The following CLIP3 variants were observed in gnomAD, a reference collection of about 807,000 sequenced individuals.
CLIP3 encodes CAP-Gly domain containing linker protein 3.
A neutral mutation model predicts 59.4 loss-of-function variants in CLIP3; 15 were observed. The observed-to-expected ratio is 0.25, with a 90% CI of 0.17 to 0.39. The LOEUF (loss-of-function observed/expected upper bound fraction) is 0.39. Among genes scored for constraint, CLIP3 ranks in the 10% least tolerant of loss-of-function variants. CLIP3 has a pLI of 1.00. For missense variants in CLIP3, 495 were observed against 765.7 expected (o/e 0.65, Z 4.17); for synonymous variants, 300 against 321.6 (o/e 0.93, Z 0.72).
In CLIP3 at chr19:36,032,829, G is replaced by A. The variant is rs1448907391; in HGVS notation, c.-164C>T. 6.6e-6 allele frequency: 1 copy of A among 152,630 alleles called. No homozygotes were observed. Among genetic ancestry groups the A allele is most frequent in the African/African-American group, 2.4e-5 (1 of 41,468 alleles). 9.5% of individuals were successfully genotyped at this position (152,630 alleles called of 1,614,324 possible). The stretch of plus-strand genomic sequence containing the variant: ...ATGGGGGAGGCAAGGGAGACAGAGA[G>A]AAGGGGACGAGGCCCAGACGCCGAC... On this transcript the variant is annotated 5_prime_UTR_variant, in exon 1 of 14. Transcript: ENST00000360535. This position sits in a 1 kb window ranked among gnomAD's most constrained non-coding sequence, Gnocchi z 4.3.
At position 36,027,507 on chromosome 19, in the gene CLIP3, C is replaced by A. The variant is rs544624096; in HGVS notation, c.167-236G>T. ...AGTGTGTCTTGAAAAGTTGGAAGAT[C>A]AGGCAATTCCCATATAGCAGCAAAC... is the stretch of plus-strand genomic sequence containing the variant. On this transcript the variant is annotated intron_variant, in intron 2 of 13. Coordinates refer to ENST00000360535, the MANE Select transcript of CLIP3 (RefSeq NM_015526.3). Among the ~76,000 whole-genome samples, 14 of 152,220 alleles carry A rather than the reference C, an allele frequency of 9.2e-5. 1 individual carries two copies. In the South Asian group the frequency reaches 2.9e-3, roughly 32 times the overall value.
chr19:36,025,233 A>G (rs970639410), intron 6 of CLIP3, among the ~76,000 whole-genome samples: 1 of 152,106 alleles, frequency 6.6e-6, no homozygotes, highest in African/African-American at 2.4e-5. Context: ...TCACGCCCTC[A>G]GGGAGGCAAT....
At position 36,024,682 on chromosome 19, in the gene CLIP3, C is replaced by G. The variant is rs140378476; in HGVS notation, c.682-50G>C. ...CAGGGACTCAGTGGCACAGGTCACA[C>G]CCCCATGGAGGCCCTGCCCCTAGAG... On this transcript the variant is annotated intron_variant, in intron 6 of 13. Coordinates refer to ENST00000360535, the MANE Select transcript of CLIP3 (RefSeq NM_015526.3). 57 of 1,562,476 alleles carry G rather than the reference C, an allele frequency of 3.6e-5. No individual in the cohort carries two copies. The Admixed American group carries it at 9.0e-4, about 25-fold the overall frequency.
intron 2 of CLIP3, among the ~76,000 whole-genome samples, chr19:36,030,729 C>T (rs1459465236): frequency 6.6e-6 from 1 of 152,242 alleles, no homozygotes; most frequent in Non-Finnish European, 1.5e-5. Flanking sequence ...CTGGCCTATG[C>T]CAACCTCTCA....
In CLIP3 at chr19:36,032,663, C is replaced by T; in HGVS notation, c.-59+61G>A. 1 of 258,646 alleles carries T rather than the reference C, an allele frequency of 3.9e-6. No individual in the cohort carries two copies. The highest frequency in any genetic ancestry group is 7.3e-6 in the Non-Finnish European group (1 of 137,484). 16.0% of individuals were successfully genotyped at this position (258,646 alleles called of 1,614,324 possible). On this transcript the variant is annotated intron_variant, in intron 1 of 13. Transcript: ENST00000360535. The surrounding 1 kb of genome is among the most constrained non-coding windows in gnomAD (Gnocchi z 4.3). ...CTGCCCCCTCCCCGGGTTTGTTTAT[C>T]TCGGGATTCAGGATGCTTCGCCCCT... is the stretch of plus-strand genomic sequence containing the variant.
At position 36,032,261 on chromosome 19, in the gene CLIP3, G is replaced by C. The variant is rs1969285660; in HGVS notation, c.97C>G (p.Pro33Ala). ...GGCTTCTGCCGGCGCTCCTGGGTGG[G>C]GCTGGGGGCCTCGGGGACGGGTTCA... Reference protein sequence around the residue: ...EDEPVPEAPSPTQERRQKPVV... With the variant: ...EDEPVPEAPSATQERRQKPVV... Residue 33 changes from proline (P) to alanine (A), a missense_variant, in exon 2 of 14, where the codon CCC becomes GCC. Physicochemically the swap from Pro to Ala is conservative, Grantham distance 27 (BLOSUM62 -1). Coordinates refer to ENST00000360535, the MANE Select transcript of CLIP3 (RefSeq NM_015526.3). This position sits in a 1 kb window ranked among gnomAD's most constrained non-coding sequence, Gnocchi z 4.3. 7.7e-7 allele frequency: 1 copy of C among 1,304,832 alleles called. No individual in the cohort carries two copies. Among genetic ancestry groups the C allele is most frequent in the Non-Finnish European group, 9.8e-7 (1 of 1,017,162 alleles). 80.8% of individuals were successfully genotyped at this position (1,304,832 alleles called of 1,614,324 possible).
rs376198343 is a variant in CLIP3 at position 36,032,248 on chromosome 19, C to T, written c.110G>A (p.Arg37His). 4 of 1,304,340 alleles carry T rather than the reference C, an allele frequency of 3.1e-6. No homozygotes were observed. The highest frequency in any genetic ancestry group is 1.5e-5 in the African/African-American group (1 of 65,944). 80.8% of individuals were successfully genotyped at this position (1,304,340 alleles called of 1,614,324 possible). A position where few individuals can be genotyped will look rare whatever the true frequency, so the allele number is the denominator to read the frequency against. ...VPEAPSPTQERRQKPVVHPSA... is the reference protein window; with the variant it reads ...VPEAPSPTQEHRQKPVVHPSA... ...GGGGTGCACAACAGGCTTCTGCCGG[C>T]GCTCCTGGGTGGGGCTGGGGGCCTC... Residue 37 changes from arginine to histidine, a missense_variant, in exon 2 of 14, where the codon CGC becomes CAC. By Grantham distance (29) the Arg-to-His change is conservative. This residue lies in a region of CLIP3 where 90 missense variants were observed against 105.2 expected (regional missense o/e 0.86). Coordinates refer to ENST00000360535, the MANE Select transcript of CLIP3 (RefSeq NM_015526.3). The surrounding 1 kb of genome is among the most constrained non-coding windows in gnomAD (Gnocchi z 4.3).
intron 7 of CLIP3, among the ~76,000 whole-genome samples, chr19:36,023,869 G>C (rs1052653715): frequency 1.3e-5 from 2 of 152,162 alleles, no homozygotes; most frequent in Non-Finnish European, 2.9e-5. Flanking sequence ...TGAAATTGGA[G>C]TCCCTGGATA....
At chr19:36,025,136 A>G (rs140845961) in intron 6 of CLIP3, among the ~76,000 whole-genome samples, 52 of 151,576 alleles carry the variant, frequency 3.4e-4, no homozygotes, top group African/African-American at 1.2e-3. Context: ...CACCCCTGAG[A>G]CCCAGGGCTG....
At position 36,026,890 on chromosome 19, in the gene CLIP3, A is replaced by C; in HGVS notation, c.400+62T>G. 3 of 1,523,784 alleles carry C rather than the reference A, an allele frequency of 2.0e-6. No homozygotes were observed. The highest frequency in any genetic ancestry group is 2.6e-6 in the Non-Finnish European group (3 of 1,138,694). 94.4% of individuals were successfully genotyped at this position (1,523,784 alleles called of 1,614,324 possible). A position where few individuals can be genotyped will look rare whatever the true frequency, so the allele number is the denominator to read the frequency against. On this transcript the variant is annotated intron_variant, in intron 4 of 13. Transcript: ENST00000360535. This position sits in a 1 kb window ranked among gnomAD's most constrained non-coding sequence, Gnocchi z 6.3. ...GGGGCCTGAGTTCTGGGTGGTTTTC[A>C]GCGTGTTGGGTCTGGGGGCCTAGGC...
In CLIP3 at chr19:36,027,617, C is replaced by T. The variant is rs562961235; in HGVS notation, c.167-346G>A. On this transcript the variant is annotated intron_variant, in intron 2 of 13. Transcript: ENST00000360535. ...GGGGGACTGCTACTGACCTCACCCACTGTTGCCCTGTGAGAGTATGAGTGA... is the reference window on the plus strand; with the variant it reads ...GGGGGACTGCTACTGACCTCACCCATTGTTGCCCTGTGAGAGTATGAGTGA... Among the ~76,000 whole-genome samples the T allele has an allele frequency of 3.3e-5, 5 of 152,364 alleles. No homozygotes were observed. The East Asian group carries it at 9.6e-4, about 29-fold the overall frequency.
At chr19:36,025,468 A>G (rs1237939808) in intron 6 of CLIP3, among the ~76,000 whole-genome samples, 5 of 151,444 alleles carry the variant, frequency 3.3e-5, no homozygotes, top group Admixed American at 2.0e-4. Flanking sequence ...GCGCATGCCT[A>G]TAATTCTACC....
In CLIP3 at chr19:36,017,436, G is replaced by C; in HGVS notation, c.1466C>G (p.Thr489Ser). Residue 489 changes from threonine (T) to serine (S), a missense_variant, in exon 12 of 14, where the codon ACT becomes AGT. Thr to Ser is a moderately conservative substitution (Grantham distance 58). Coordinates refer to ENST00000360535, the MANE Select transcript of CLIP3 (RefSeq NM_015526.3). ...TCCAACGCTGTCCCCGGGGGAATCA[G>C]TGGATCCGCCAATCCTGAGGAGACA... ...ASRIQRIGGSTDSPGDSVGAK... is the reference protein window; with the variant it reads ...ASRIQRIGGSSDSPGDSVGAK... The C allele has an allele frequency of 1.9e-6, 3 of 1,614,142 alleles. No homozygotes were observed. Among genetic ancestry groups the C allele is most frequent in the Non-Finnish European group, 1.7e-6 (2 of 1,180,038 alleles).
chr19:36,026,878 T>TG lies in CLIP3; in HGVS notation c.400+73dup. ...CGGGTTCCAGATGGGGCCTGAGTTC[T>TG]GGGTGGTTTTCAGCGTGTTGGGTCT... On this transcript the variant is annotated intron_variant, in intron 4 of 13. Coordinates refer to ENST00000360535, the MANE Select transcript of CLIP3 (RefSeq NM_015526.3). This position sits in a 1 kb window ranked among gnomAD's most constrained non-coding sequence, Gnocchi z 6.3. The TG allele has an allele frequency of 6.6e-7, 1 of 1,524,710 alleles. No individual in the cohort carries two copies. The highest frequency in any genetic ancestry group is 8.8e-7 in the Non-Finnish European group (1 of 1,138,550). The allele number at this position is 1,524,710 out of a possible 1,614,324, so 94.4% of individuals were successfully genotyped here.
intron 11 of CLIP3, 25 bp downstream of exon 11, chr19:36,017,630 G>C: frequency 6.2e-7 from 1 of 1,613,486 alleles, no homozygotes; most frequent in Non-Finnish European, 8.5e-7. Context: ...GGTGCCCTGG[G>C]TTTGGGCTGG....
In CLIP3 at chr19:36,024,247, T is replaced by G. The variant is rs1056434810; in HGVS notation, c.918+149A>C. The G allele has an allele frequency of 2.1e-4, 138 of 657,336 alleles. No individual in the cohort carries two copies. In the East Asian group the frequency reaches 3.7e-3, roughly 18 times the overall value. The allele number at this position is 657,336 out of a possible 1,614,324, so 40.7% of individuals were successfully genotyped here. On this transcript the variant is annotated intron_variant, in intron 7 of 13. Coordinates refer to ENST00000360535, the MANE Select transcript of CLIP3 (RefSeq NM_015526.3). ...TCAAAGGAGACACCCACGGAACAAC[T>G]GAGATAAAATCAAGTACTGGGTGGA... is the stretch of plus-strand genomic sequence containing the variant.
rs1277714334 is a variant in CLIP3 at position 36,015,308 on chromosome 19, G to C, written c.*850C>G. 1.3e-5 allele frequency: 2 copies of C among 152,518 alleles called. No individual in the cohort carries two copies. 9.4% of individuals were successfully genotyped at this position (152,518 alleles called of 1,614,324 possible). On this transcript the variant is annotated 3_prime_UTR_variant, in exon 14 of 14. Coordinates refer to ENST00000360535, the MANE Select transcript of CLIP3 (RefSeq NM_015526.3). ...TGGGACGTGTGTACTCTAGGGTTTG[G>C]GATCCCCAGAGTCCTAGAATGGGGC... is the stretch of plus-strand genomic sequence containing the variant.
At position 36,026,058 on chromosome 19, in the gene CLIP3, G is replaced by C; in HGVS notation, c.681+89C>G. 1 of 897,322 alleles carries C rather than the reference G, an allele frequency of 1.1e-6. No homozygotes were observed. The highest frequency in any genetic ancestry group is 1.4e-5 in the South Asian group (1 of 69,774). 55.6% of individuals were successfully genotyped at this position (897,322 alleles called of 1,614,324 possible). On this transcript the variant is annotated intron_variant, in intron 6 of 13. Coordinates refer to ENST00000360535, the MANE Select transcript of CLIP3 (RefSeq NM_015526.3). The surrounding 1 kb of genome is among the most constrained non-coding windows in gnomAD (Gnocchi z 6.3). ...ACAGACGGCATTTGTAGTATTTGGG[G>C]AGTCACGGGAAACGCAGAGACCTGC...
Position 36,024,471 on chromosome 19 carries a change from G to C in CLIP3, c.843C>G (p.Asp281Glu). 6.2e-7 allele frequency: 1 copy of C among 1,614,244 alleles called. No homozygotes were observed. Among genetic ancestry groups the C allele is most frequent in the African/African-American group, 1.3e-5 (1 of 75,074 alleles). The change falls in exon 7 of 14, where the codon GAC becomes GAG. Residue 281 changes from aspartate to glutamate, a missense_variant. Physicochemically the swap from Asp to Glu is conservative, Grantham distance 45. Transcript: ENST00000360535. The part of the protein sequence containing the change: ...ALPKVTLPNY[D>E]NVPGNLMLSA... The stretch of plus-strand genomic sequence containing the variant: ...TAAGCATGAGATTGCCTGGGACGTT[G>C]TCATAGTTGGGTAGCGTGACCTTGG...
Sources: allele counts gnomAD v4.1 joint callset (sites outside exome capture counted in the v4.1 genomes callset), GRCh38; gene constraint gnomAD v4.1.1; regional missense constraint gnomAD v4.1.1; non-coding constraint Gnocchi (gnomAD v3.1); transcripts MANE v1.5; gene names NCBI Gene and HGNC (gene_info 2026-07-23, HGNC 2026-07-21).